B3GALT1: variants seen among roughly 807,000 people sequenced by gnomAD.
B3GALT1 encodes UDP-Gal:betaGlcNAc beta 1,3-galactosyltransferase, polypeptide 1.
B3GALT1 carries 10 observed loss-of-function variants against 23.2 expected under a neutral mutation model. The ratio of observed to expected loss-of-function variants is 0.43; its 90% CI spans 0.27 to 0.73. The LOEUF is 0.73. Ranked by LOEUF, B3GALT1 falls within the 30% of genes least tolerant of loss-of-function variation. B3GALT1 has a pLI of 0.21. For missense variants in B3GALT1, 299 were observed against 405.4 expected (o/e 0.74, Z 2.25); for synonymous variants, 156 against 141.5 (o/e 1.10, Z -0.73).
At chr2:167,418,132 A>C (rs1285865594) in intron 1 of B3GALT1, among the ~76,000 whole-genome samples, 2 of 152,184 alleles carry the variant, frequency 1.3e-5, no homozygotes, top group African/African-American at 4.8e-5. Context: ...CCTTCGTTTG[A>C]AAGCAATTTT....
chr2:167,780,088 A>T (rs1025117192), intron 3 of B3GALT1, among the ~76,000 whole-genome samples: 2 of 152,216 alleles, frequency 1.3e-5, no homozygotes, highest in African/African-American at 4.8e-5. Context: ...AAAATATATT[A>T]CAAGTGTTTA....
rs549603446 is a variant in B3GALT1 at position 167,446,045 on chromosome 2, C to T, written c.-510-44132C>T. ...TTTAGTGCTTCCTTCAGGAGCTCTT[C>T]TAAGGCAGACCTGGTGGTGACAAAA... On this transcript the variant is annotated intron_variant, in intron 1 of 4. Transcript: ENST00000392690. Among the ~76,000 whole-genome samples, 17 of 152,246 alleles carry T rather than the reference C, an allele frequency of 1.1e-4. No individual in the cohort carries two copies. The South Asian group carries it at 3.3e-3, about 30-fold the overall frequency.
intron 2 of B3GALT1, among the ~76,000 whole-genome samples, chr2:167,545,020 T>G (rs754109017): frequency 3.2e-5 from 4 of 124,862 alleles, no homozygotes; most frequent in East Asian, 2.7e-4. Flanking sequence ...TTGGCTTGGG[T>G]GTCTTTTTTT....
At chr2:167,335,448 G>T (rs778290368) in intron 1 of B3GALT1, among the ~76,000 whole-genome samples, 8 of 152,100 alleles carry the variant, frequency 5.3e-5, no homozygotes, top group Non-Finnish European at 7.3e-5. Context: ...AATAAATAAT[G>T]GCTACTCCAT....
chr2:167,398,214 T>C (rs1698126804), intron 1 of B3GALT1, among the ~76,000 whole-genome samples: 1 of 152,132 alleles, frequency 6.6e-6, no homozygotes, highest in African/African-American at 2.4e-5. Context: ...TTAGTGGTTA[T>C]GCAATTAATT....
At chr2:167,482,366 G>A (rs1442043982) in intron 1 of B3GALT1, among the ~76,000 whole-genome samples, 1 of 152,120 alleles carries the variant, frequency 6.6e-6, no homozygotes, top group Non-Finnish European at 1.5e-5. Flanking sequence ...GATCTGATGG[G>A]AAGTAAGTAT....
intron 1 of B3GALT1, among the ~76,000 whole-genome samples, chr2:167,391,468 T>C (rs935984988): frequency 5.9e-5 from 9 of 152,244 alleles, no homozygotes; most frequent in African/African-American, 1.7e-4. Context: ...AGAACACTTA[T>C]ATGAATCATG....
chr2:167,382,319 T>C (rs1030870514), intron 1 of B3GALT1, among the ~76,000 whole-genome samples: 11 of 152,290 alleles, frequency 7.2e-5, no homozygotes, highest in South Asian at 4.1e-4. Context: ...TGTTTCTTTT[T>C]TTCCTGATTT....
At chr2:167,506,020 A>C (rs377073842) in intron 2 of B3GALT1, among the ~76,000 whole-genome samples, 2 of 152,084 alleles carry the variant, frequency 1.3e-5, no homozygotes, top group Admixed American at 1.3e-4. Context: ...AGATCGTGCC[A>C]CTGCACTCCA....
chr2:167,728,249 A>C (rs1039515177), intron 3 of B3GALT1, among the ~76,000 whole-genome samples: 1 of 152,136 alleles, frequency 6.6e-6, no homozygotes, highest in Admixed American at 6.5e-5. Context: ...TTAGCCAGGC[A>C]TGGTGGCACC....
At chr2:167,677,391 A>G (rs1234459704) in intron 3 of B3GALT1, among the ~76,000 whole-genome samples, 1 of 152,216 alleles carries the variant, frequency 6.6e-6, no homozygotes, top group African/African-American at 2.4e-5. Flanking sequence ...AACACACTAT[A>G]TAAAAGAGAT....
At chr2:167,703,863 A>G (rs1343435218) in intron 3 of B3GALT1, among the ~76,000 whole-genome samples, 3 of 152,154 alleles carry the variant, frequency 2.0e-5, no homozygotes, top group Non-Finnish European at 4.4e-5. Context: ...AAAGCACCCC[A>G]TATGTCTTTC....
chr2:167,622,243 G>C (rs1030717326), intron 2 of B3GALT1, among the ~76,000 whole-genome samples: 5 of 151,950 alleles, frequency 3.3e-5, no homozygotes, highest in Non-Finnish European at 7.4e-5. Flanking sequence ...CTTGGGAAAA[G>C]TCATGTGATC....
intron 1 of B3GALT1, among the ~76,000 whole-genome samples, chr2:167,305,878 A>C (rs1420671713): frequency 6.6e-6 from 1 of 152,156 alleles, no homozygotes; most frequent in Non-Finnish European, 1.5e-5. Context: ...TATATGAAGA[A>C]TATGAGGACT....
At position 167,870,701 on chromosome 2, in the gene B3GALT1, AT is replaced by A. The variant is rs150091257; in HGVS notation, c.*691del. ...TGCTACTTAACAAAGTAAACAAAAG[AT>A]TTTTTTTTTCTTTTTTTTTCTTTCT... On this transcript the variant is annotated 3_prime_UTR_variant, in exon 5 of 5. Transcript: ENST00000392690. 1.0e-2 allele frequency: 1,642 copies of A among 164,232 alleles called. 15 individuals carry two copies. Among genetic ancestry groups the A allele is most frequent in the African/African-American group, 0.024 (968 of 40,670 alleles). The allele number at this position is 164,232 out of a possible 1,614,324, so 10.2% of individuals were successfully genotyped here.
intron 3 of B3GALT1, among the ~76,000 whole-genome samples, chr2:167,775,740 A>G (rs942448729): frequency 1.3e-5 from 2 of 150,744 alleles, no homozygotes; most frequent in African/African-American, 4.9e-5. Flanking sequence ...GCATGAAGAA[A>G]CAGTATGGCA....
chr2:167,535,492 A>C (rs1683400195), intron 2 of B3GALT1, among the ~76,000 whole-genome samples: 1 of 152,174 alleles, frequency 6.6e-6, no homozygotes, highest in African/African-American at 2.4e-5. Context: ...TAACAGAGTT[A>C]ATCTAACTGC....
intron 2 of B3GALT1, among the ~76,000 whole-genome samples, chr2:167,567,119 A>G (rs751229725): frequency 5.3e-5 from 8 of 152,164 alleles, no homozygotes; most frequent in African/African-American, 9.7e-5. Flanking sequence ...CCCTTCCTGT[A>G]TAGTATATGA....
chr2:167,599,973 G>A (rs115122808), intron 2 of B3GALT1, among the ~76,000 whole-genome samples: 1,677 of 152,272 alleles, frequency 0.011, 36 homozygotes, highest in African/African-American at 0.038. Flanking sequence ...ATTTTTATCT[G>A]TACTAGAGTA....
Sources: gnomAD v4.1 joint callset for allele counts (sites outside exome capture counted in the v4.1 genomes callset) on GRCh38, gnomAD v4.1.1 for gene constraint, MANE v1.5 for transcripts, NCBI Gene and HGNC (gene_info 2026-07-23, HGNC 2026-07-21) for gene names.